Variants in LAMA5 observed in about 807,000 individuals in gnomAD.
LAMA5 encodes laminin subunit alpha 5, also known as laminin subunit alpha-5.
In LAMA5, 260 loss-of-function variants were observed where a neutral mutation model predicts 433.4. That is an observed-to-expected ratio of 0.60 (90% CI 0.54 to 0.66). The LOEUF (loss-of-function observed/expected upper bound fraction) is 0.66, where lower values mean the gene tolerates loss of function less well. Among genes scored for constraint, LAMA5 ranks in the 30% least tolerant of loss-of-function variants. The pLI, the probability that LAMA5 is intolerant of heterozygous loss-of-function variation, is 0.00. For missense variants in LAMA5, 5,378 were observed against 5,258.5 expected, an observed-to-expected ratio of 1.02 and a Z score of -0.70; for synonymous variants, 2,620 against 2,226.6, an observed-to-expected ratio of 1.18 and a Z score of -4.97.
At chr20:62,328,579 T>TCA in intron 34 of LAMA5, 134 bp from the exon 35 acceptor site, 1 of 961,108 alleles carries the variant, frequency 1.0e-6, no homozygotes, top group African/African-American at 1.7e-5. Context: ...CTGCCCCGGG[T>TCA]GCTGAGCCTT....
intron 58 of LAMA5, 70 bp from the exon 59 acceptor site, chr20:62,315,277 T>C: frequency 7.3e-7 from 1 of 1,372,330 alleles, no homozygotes; most frequent in South Asian, 1.4e-5. Flanking sequence ...CCCCAAGTCT[T>C]TCTGTTGGGC....
At chr20:62,311,578 G>A in intron 71 of LAMA5, 36 bp downstream of exon 71, 1 of 1,609,674 alleles carries the variant, frequency 6.2e-7, no homozygotes. Context: ...CGGAAGGCCA[G>A]CTGGGACCTT....
intron 6 of LAMA5, among the ~76,000 whole-genome samples, chr20:62,350,768 C>T (rs956798882): frequency 3.9e-5 from 6 of 152,190 alleles, no homozygotes; most frequent in African/African-American, 1.2e-4. Context: ...CCGGGCACCA[C>T]GCTGAGTACT....
In LAMA5 at chr20:62,320,622, C is replaced by G. The variant is rs751890452; in HGVS notation, c.6696G>C (p.Gln2232His). Reference protein sequence around the residue: ...PLGPRHETAQQLEVLEQQSTS... With the variant: ...PLGPRHETAQHLEVLEQQSTS... ...TGCTCTGCTGCTCCAGCACCTCCAGCTGCTGTGCCGTCTCATGGCGGGGGC... is the reference window on the plus strand; with the variant it reads ...TGCTCTGCTGCTCCAGCACCTCCAGGTGCTGTGCCGTCTCATGGCGGGGGC... The change falls in exon 50 of 80, where the codon CAG (glutamine) becomes CAC (histidine). Residue 2232 changes from glutamine to histidine, a missense_variant. Transcript: ENST00000252999. 1 of 1,609,458 alleles carries G rather than the reference C, an allele frequency of 6.2e-7. No homozygotes were observed. The highest frequency in any genetic ancestry group is 8.5e-7 in the Non-Finnish European group (1 of 1,179,042).
At chr20:62,323,725 A>G in intron 44 of LAMA5, 51 bp downstream of exon 44, 2 of 1,597,378 alleles carry the variant, frequency 1.3e-6, no homozygotes, top group Non-Finnish European at 1.7e-6. Context: ...ACCCTCGCAT[A>G]TCCTGGGGTC....
rs759967267 is a variant in LAMA5 at position 62,315,069 on chromosome 20, C to A, written c.8006G>T (p.Gly2669Val). 4 of 1,601,006 alleles carry A rather than the reference C, an allele frequency of 2.5e-6. No individual in the cohort carries two copies. The highest frequency in any genetic ancestry group is 4.5e-5 in the East Asian group (2 of 44,852). The change falls in exon 59 of 80, where the codon GGC becomes GTC. Residue 2669 changes from glycine (G) to valine (V), a missense_variant. Transcript: ENST00000252999. ...AAGCACTGCCTGGCCCAGGTCCTGG[C>A]CCCGCAGGCCCTCGTACTGGCCCTG... ...RWQGQYEGLRGQDLGQAVLDA... is the reference protein window; with the variant it reads ...RWQGQYEGLRVQDLGQAVLDA...
At chr20:62,350,895 A>G (rs1984186670) in intron 6 of LAMA5, 1 of 152,328 alleles carries the variant, frequency 6.6e-6, no homozygotes, top group African/African-American at 2.4e-5. Flanking sequence ...GGCGCTCAAC[A>G]TACAGCTGCT....
intron 2 of LAMA5, among the ~76,000 whole-genome samples, chr20:62,357,620 G>A (rs971927459): frequency 5.3e-5 from 8 of 152,218 alleles, no homozygotes; most frequent in African/African-American, 9.6e-5. Flanking sequence ...CCAGAGGGAC[G>A]TGGAGTGGAA....
chr20:62,323,675 G>A lies in LAMA5; in HGVS notation c.5850-5C>T. ...CCAAAGAATCCGGGCGCACACCTGG[G>A]AGCAGGGTGGGGAGGGGCCGTCAGT... On this transcript the variant is annotated splice_polypyrimidine_tract_variant and splice_region_variant and intron_variant, in intron 44 of 79. Coordinates refer to ENST00000252999, the MANE Select transcript of LAMA5 (RefSeq NM_005560.6). 1 of 1,604,748 alleles carries A rather than the reference G, an allele frequency of 6.2e-7. No homozygotes were observed. The highest frequency in any genetic ancestry group is 8.5e-7 in the Non-Finnish European group (1 of 1,175,242).
In LAMA5 at chr20:62,311,995, C is replaced by T. The variant is rs1478705924; in HGVS notation, c.9560G>A (p.Arg3187Lys). The T allele has an allele frequency of 1.6e-5, 26 of 1,612,740 alleles. No individual in the cohort carries two copies. The highest frequency in any genetic ancestry group is 3.3e-4 in the Middle Eastern group (2 of 6,060). The change falls in exon 70 of 80, where the codon AGG (arginine) becomes AAG (lysine). Residue 3187 changes from arginine (R) to lysine (K), a missense_variant. Arg to Lys is a conservative substitution (Grantham distance 26). Coordinates refer to ENST00000252999, the MANE Select transcript of LAMA5 (RefSeq NM_005560.6). ...GCCCGCTTGAGTTTTCACTTCAGTC[C>T]TCAGGAGCTGTAGGCTCACACGGCC... ...QQGRVSLQLL[R>K]TEVKTQAGFA...
intron 2 of LAMA5, 93 bp downstream of exon 2, chr20:62,362,307 G>A (rs1601436470): frequency 1.6e-6 from 2 of 1,256,504 alleles, no homozygotes; most frequent in East Asian, 3.0e-5. Flanking sequence ...CGCTCACGGT[G>A]GAGACCTCGC....
Position 62,327,547 on chromosome 20 carries a change from C to T in LAMA5, c.4920G>A (p.Ser1640=), listed in dbSNP as rs775074478. 3.3e-5 allele frequency: 54 copies of T among 1,612,728 alleles called. No individual in the cohort carries two copies. The highest frequency in any genetic ancestry group is 6.7e-5 in the Admixed American group (4 of 60,008). Residue 1640 remains serine, a synonymous_variant, in exon 37 of 80, where the codon TCG becomes TCA. Transcript: ENST00000252999. ...CFGATERCRS[S]SYTRQEFVDM... Reference sequence around the variant, plus strand: ...GGCGCACCTCCTGGCGGGTGTAGGACGAGCTCCGGCAGCGCTCCGTGGCCC... The same window carrying T: ...GGCGCACCTCCTGGCGGGTGTAGGATGAGCTCCGGCAGCGCTCCGTGGCCC...
intron 30 of LAMA5, 53 bp from the exon 31 acceptor site, chr20:62,330,667 C>A: frequency 6.4e-7 from 1 of 1,562,116 alleles, no homozygotes; most frequent in East Asian, 2.3e-5. Flanking sequence ...CTGCTGCCCC[C>A]TGGACAACCT....
chr20:62,333,324 T>TG, intron 25 of LAMA5, 51 bp downstream of exon 25: 3 of 1,601,982 alleles, frequency 1.9e-6, no homozygotes, highest in South Asian at 1.1e-5. Context: ...CCAGGCACAG[T>TG]GGGGGTCCAG....
At chr20:62,337,155 C>T (rs1448531952) in intron 16 of LAMA5, among the ~76,000 whole-genome samples, 1 of 152,174 alleles carries the variant, frequency 6.6e-6, no homozygotes, top group Admixed American at 6.5e-5. Flanking sequence ...ACACGCACAC[C>T]CACACTTGAG....
At position 62,326,855 on chromosome 20, in the gene LAMA5, G is replaced by C. The variant is rs2146157091; in HGVS notation, c.5214+10C>G. The C allele has an allele frequency of 6.2e-7, 1 of 1,608,196 alleles. No individual in the cohort carries two copies. Among genetic ancestry groups the C allele is most frequent in the Middle Eastern group, 1.7e-4 (1 of 6,048 alleles). On this transcript the variant is annotated intron_variant, in intron 39 of 79. Coordinates refer to ENST00000252999, the MANE Select transcript of LAMA5 (RefSeq NM_005560.6). ...CCAACCACCCTGCCACATCATCTCA[G>C]CTCCCTCACCTGCAGCACCACATCC...
At chr20:62,316,172 G>C (rs151234917) in intron 57 of LAMA5, 114 bp from the exon 58 acceptor site, 2 of 702,100 alleles carry the variant, frequency 2.8e-6, no homozygotes, top group Admixed American at 4.5e-5. Flanking sequence ...GCAGACAGAT[G>C]GACAGGGACA....
intron 50 of LAMA5, 129 bp downstream of exon 50, chr20:62,320,430 T>A (rs1987556329): frequency 1.5e-6 from 1 of 647,950 alleles, no homozygotes; most frequent in African/African-American, 1.8e-5. Flanking sequence ...CCTAAGACTC[T>A]CGAGCTCCTG....
chr20:62,319,443 C>T (rs1329739041), intron 51 of LAMA5, among the ~76,000 whole-genome samples: 13 of 152,120 alleles, frequency 8.5e-5, no homozygotes, highest in Admixed American at 1.3e-4. Flanking sequence ...AACATCTAAC[C>T]GGCACATTTC....
Sources: allele counts gnomAD v4.1 joint callset (sites outside exome capture counted in the v4.1 genomes callset), GRCh38; gene constraint gnomAD v4.1.1; transcripts MANE v1.5; gene names NCBI Gene and HGNC (gene_info 2026-07-23, HGNC 2026-07-21).